The following RBFOX1 variants were observed in gnomAD, a reference collection of about 807,000 sequenced individuals.
The protein encoded by RBFOX1 is RNA binding protein fox-1 homolog 1.
Under a neutral mutation model 57.7 loss-of-function variants are expected in RBFOX1, and 8 were observed. The observed-to-expected ratio is 0.14, with a 90% CI of 0.08 to 0.25. The LOEUF is 0.25. Ranked by LOEUF, RBFOX1 falls within the 10% of genes least tolerant of loss-of-function variation. The pLI is 1.00. For missense variants in RBFOX1, 611 were observed against 548.5 expected (o/e 1.11, Z -1.14); for synonymous variants, 326 against 222.4 (o/e 1.47, Z -4.15).
intron 1 of RBFOX1, among the ~76,000 whole-genome samples, chr16:6,107,236 C>G (rs990590542): frequency 6.6e-6 from 1 of 152,002 alleles, no homozygotes; most frequent in East Asian, 1.9e-4. Context: ...CCTGGTGACC[C>G]CCTAGTACCT....
In RBFOX1 at chr16:6,500,890, T is replaced by TG. The variant is rs1256264535; in HGVS notation, c.-63-153713_-63-153712insG. Among the ~76,000 whole-genome samples, 8 of 138,488 alleles carry TG rather than the reference T, an allele frequency of 5.8e-5. No homozygotes were observed. The South Asian group carries it at 2.0e-3, about 34-fold the overall frequency. The allele number at this position is 138,488 out of a possible 152,430, so 90.9% of individuals were successfully genotyped here. A position where few individuals can be genotyped will look rare whatever the true frequency, so the allele number is the denominator to read the frequency against. On this transcript the variant is annotated intron_variant, in intron 2 of 15. Coordinates refer to ENST00000550418, the MANE Select transcript of RBFOX1 (RefSeq NM_018723.4). ...CTTGGGGAGTAGTTTTTTTTTTTTT[T>TG]TTTTTTTTTTTAATGCTGAGACATC...
At chr16:5,747,722 T>C (rs976585258) in intron 3 of RBFOX1, among the ~76,000 whole-genome samples, 3 of 152,190 alleles carry the variant, frequency 2.0e-5, no homozygotes, top group African/African-American at 7.2e-5. Context: ...CGTGGTGATA[T>C]CCGCTTTATC....
At chr16:7,700,192 C>T (rs1043195133) in intron 14 of RBFOX1, among the ~76,000 whole-genome samples, 3 of 152,060 alleles carry the variant, frequency 2.0e-5, no homozygotes, top group Admixed American at 6.5e-5. Context: ...GGGGCTTTAC[C>T]GGGAAGCTCA....
chr16:7,604,094 G>C (rs79897801), intron 9 of RBFOX1, among the ~76,000 whole-genome samples: 3,084 of 152,242 alleles, frequency 0.02, 102 homozygotes, highest in African/African-American at 0.07. Flanking sequence ...TGGGGTATGA[G>C]GGTAAGAGAA....
chr16:6,670,272 G>T (rs2098756033), intron 3 of RBFOX1, among the ~76,000 whole-genome samples: 5 of 151,806 alleles, frequency 3.3e-5, no homozygotes, highest in Admixed American at 3.3e-4. Context: ...TTTTCCCTAT[G>T]TTGTCCAGGC....
intron 1 of RBFOX1, among the ~76,000 whole-genome samples, chr16:5,415,934 C>T (rs779610101): frequency 6.6e-6 from 1 of 152,164 alleles, no homozygotes; most frequent in Admixed American, 6.5e-5. Context: ...CCAAATGTCC[C>T]TCTGCATGTG....
chr16:6,895,496 C>G (rs539155430), intron 3 of RBFOX1, among the ~76,000 whole-genome samples: 2 of 113,818 alleles, frequency 1.8e-5, no homozygotes, highest in East Asian at 2.5e-4. Flanking sequence ...ATTTATTCCC[C>G]TATTGGATAA....
Position 7,485,589 on chromosome 16 carries a change from C to T in RBFOX1, c.28-32558C>T, listed in dbSNP as rs369446232. ...ACCCCCAGATGGCTTGTCCCTACTC[C>T]CCCAGGCAAGAGCCCATACCTCAAG... On this transcript the variant is annotated intron_variant, in intron 4 of 15. Transcript: ENST00000550418. 1.4e-3 allele frequency among the ~76,000 whole-genome samples: 211 copies of T among 152,228 alleles called. 3 individuals are homozygous for T. Among genetic ancestry groups the T allele is most frequent in the Middle Eastern group, 6.8e-3 (2 of 294 alleles).
At chr16:6,806,836 A>ATATATATT (rs754342591) in intron 3 of RBFOX1, among the ~76,000 whole-genome samples, 14 of 91,876 alleles carry the variant, frequency 1.5e-4, no homozygotes, top group African/African-American at 3.2e-4. Flanking sequence ...ATATATATAT[A>ATATATATT]TTTTTTTTTT....
intron 1 of RBFOX1, among the ~76,000 whole-genome samples, chr16:6,288,255 T>A (rs2152714457): frequency 6.6e-6 from 1 of 152,246 alleles, no homozygotes. Flanking sequence ...TTTATAGCGA[T>A]GTTTATCAAG....
chr16:7,654,205 G>C (rs1382516341), intron 12 of RBFOX1, among the ~76,000 whole-genome samples: 1 of 152,216 alleles, frequency 6.6e-6, no homozygotes, highest in East Asian at 1.9e-4. Context: ...TTCTCTTTGA[G>C]ACTGAATGCT....
intron 1 of RBFOX1, among the ~76,000 whole-genome samples, chr16:6,217,166 A>C (rs1264048770): frequency 8.2e-6 from 1 of 122,044 alleles, no homozygotes; most frequent in Non-Finnish European, 1.7e-5. Context: ...CTATTCATTT[A>C]GGGGATTCTT....
chr16:6,694,949 A>T (rs1056280902), intron 3 of RBFOX1, among the ~76,000 whole-genome samples: 1 of 151,906 alleles, frequency 6.6e-6, no homozygotes. Context: ...AGGATGTTGC[A>T]TAGTTCAGTA....
At chr16:6,695,635 A>G (rs1320260074) in intron 3 of RBFOX1, among the ~76,000 whole-genome samples, 3 of 152,160 alleles carry the variant, frequency 2.0e-5, no homozygotes, top group Non-Finnish European at 4.4e-5. Context: ...TAGGGAGAAT[A>G]TATTGTAAAA....
At chr16:7,619,115 A>G (rs922185653) in intron 10 of RBFOX1, among the ~76,000 whole-genome samples, 2 of 152,206 alleles carry the variant, frequency 1.3e-5, no homozygotes, top group Admixed American at 6.5e-5. Context: ...AATGGGTTAT[A>G]CATTTAAATC....
At chr16:6,278,962 GT>G (rs1441430135) in intron 1 of RBFOX1, among the ~76,000 whole-genome samples, 1 of 151,908 alleles carries the variant, frequency 6.6e-6, no homozygotes, top group African/African-American at 2.4e-5. Flanking sequence ...TTGAAACAAG[GT>G]TTGTGTTCTA....
chr16:6,484,248 G>T (rs1230130334), intron 2 of RBFOX1, among the ~76,000 whole-genome samples: 1 of 152,184 alleles, frequency 6.6e-6, no homozygotes, highest in African/African-American at 2.4e-5. Context: ...GGCCAGATGG[G>T]TTGTGCATTT....
At chr16:7,553,028 A>C (rs2087076086) in intron 5 of RBFOX1, among the ~76,000 whole-genome samples, 1 of 152,028 alleles carries the variant, frequency 6.6e-6, no homozygotes. Context: ...CTCAGTAAGC[A>C]AGTCAGATAT....
chr16:7,200,278 C>G (rs1487245425), intron 4 of RBFOX1, among the ~76,000 whole-genome samples: 1 of 152,114 alleles, frequency 6.6e-6, no homozygotes, highest in Non-Finnish European at 1.5e-5. Context: ...GGTAGGTTTT[C>G]CCAGGGAGTG....
Sources: allele counts gnomAD v4.1 joint callset (sites outside exome capture counted in the v4.1 genomes callset), GRCh38; gene constraint gnomAD v4.1.1; transcripts MANE v1.5; gene names NCBI Gene and HGNC (gene_info 2026-07-23, HGNC 2026-07-21).